The following LARGE1 variants were observed in gnomAD, a reference collection of about 807,000 sequenced individuals.
LARGE1 encodes the protein LARGE xylosyl- and glucuronyltransferase 1, also known as xylosyl- and glucuronyltransferase LARGE1.
LARGE1 carries 43 observed loss-of-function variants against 87.6 expected under a neutral mutation model. That is an observed-to-expected ratio of 0.49 (90% confidence interval 0.38 to 0.63). The LOEUF (loss-of-function observed/expected upper bound fraction) is 0.63, where lower values mean the gene tolerates loss of function less well. Ranked by LOEUF, LARGE1 falls within the 30% of genes least tolerant of loss-of-function variation. The pLI is 0.00. For synonymous variants in LARGE1, 434 were observed against 394.6 expected, an observed-to-expected ratio of 1.10 and a Z score of -1.18; for missense variants, 802 against 1,000.2, an observed-to-expected ratio of 0.80 and a Z score of 2.67.
chr22:33,662,734 CAA>C, intron 2 of LARGE1, among the ~76,000 whole-genome samples: 1 of 145,472 alleles, frequency 6.9e-6, no homozygotes, highest in East Asian at 2.0e-4. Flanking sequence ...TAACCCATTC[CAA>C]AAAAAAAAAT....
chr22:33,421,208 T>TC (rs1569149047), intron 7 of LARGE1, among the ~76,000 whole-genome samples: 66 of 135,960 alleles, frequency 4.9e-4, no homozygotes, highest in Admixed American at 1.7e-3. Flanking sequence ...AAAAATAAAA[T>TC]AAAATCAATC....
chr22:33,453,089 C>T (rs776087885), intron 6 of LARGE1, among the ~76,000 whole-genome samples: 2 of 152,184 alleles, frequency 1.3e-5, no homozygotes, highest in Non-Finnish European at 2.9e-5. Flanking sequence ...TCTCTACAGA[C>T]AGGTTTGTAG....
chr22:33,236,942 C>T (rs755266816), intron 11 of LARGE1, among the ~76,000 whole-genome samples: 2 of 152,210 alleles, frequency 1.3e-5, no homozygotes, highest in Non-Finnish European at 2.9e-5. Flanking sequence ...ACCATTGAAT[C>T]GCTGGCATCT....
chr22:33,732,135 C>A (rs1055759730), intron 2 of LARGE1: 1 of 152,162 alleles, frequency 6.6e-6, no homozygotes, highest in African/African-American at 2.4e-5. Flanking sequence ...TAGTAGGCAC[C>A]ATGTCACCTC....
intron 6 of LARGE1, among the ~76,000 whole-genome samples, chr22:33,561,648 C>A (rs369549828): frequency 1.3e-5 from 2 of 152,148 alleles, no homozygotes; most frequent in African/African-American, 4.8e-5. Flanking sequence ...TAAATATTGA[C>A]CGAATGGGTG....
intron 6 of LARGE1, among the ~76,000 whole-genome samples, chr22:33,464,354 G>GT (rs1333809153): frequency 6.6e-6 from 1 of 151,986 alleles, no homozygotes; most frequent in African/African-American, 2.4e-5. Context: ...CCAAAAACAT[G>GT]TAAGACCGTA....
At chr22:33,302,037 G>A (rs1213554635) in intron 12 of LARGE1, among the ~76,000 whole-genome samples, 1 of 152,222 alleles carries the variant, frequency 6.6e-6, no homozygotes, top group African/African-American at 2.4e-5. Flanking sequence ...GAGTCCCAGA[G>A]GGGTGGAGGG....
the LARGE1 span, among the ~76,000 whole-genome samples, chr22:33,108,324 C>T: frequency 3.9e-5 from 6 of 152,134 alleles, no homozygotes; most frequent in Non-Finnish European, 5.9e-5. Flanking sequence ...CCCATCTCCA[C>T]GAGGGAGACA....
chr22:33,640,280 G>T (rs1240722639), intron 3 of LARGE1, among the ~76,000 whole-genome samples: 1 of 152,236 alleles, frequency 6.6e-6, no homozygotes, highest in Non-Finnish European at 1.5e-5. Flanking sequence ...ACCTTGTGGA[G>T]AGTGTGCTTT....
At chr22:33,515,263 C>G (rs1183243333) in intron 6 of LARGE1, among the ~76,000 whole-genome samples, 1 of 152,198 alleles carries the variant, frequency 6.6e-6, no homozygotes. Context: ...GGTCCCTAGA[C>G]TTTCGCTCCA....
At chr22:33,070,555 A>G in the LARGE1 span, among the ~76,000 whole-genome samples, 1 of 152,148 alleles carries the variant, frequency 6.6e-6, no homozygotes, top group East Asian at 1.9e-4. Flanking sequence ...AATAGCAACA[A>G]ACTGAAAAGC....
intron 7 of LARGE1, among the ~76,000 whole-genome samples, chr22:33,396,133 G>A (rs2065730747): frequency 6.6e-6 from 1 of 152,226 alleles, no homozygotes; most frequent in Non-Finnish European, 1.5e-5. Flanking sequence ...TTGAACCAGT[G>A]AAATCCTATG....
At chr22:33,812,225 A>G (rs959653347) in intron 1 of LARGE1, among the ~76,000 whole-genome samples, 1 of 152,230 alleles carries the variant, frequency 6.6e-6, no homozygotes, top group African/African-American at 2.4e-5. Flanking sequence ...GGGCTGGACC[A>G]TGAAGTTAGG....
chr22:33,212,378 C>G (rs1487036636), intron 11 of LARGE1, among the ~76,000 whole-genome samples: 6 of 152,200 alleles, frequency 3.9e-5, no homozygotes, highest in African/African-American at 1.4e-4. Flanking sequence ...GCCTGGATAA[C>G]AGCATATCAT....
intron 7 of LARGE1, among the ~76,000 whole-genome samples, chr22:33,404,706 A>G (rs2066036478): frequency 6.6e-6 from 1 of 152,228 alleles, no homozygotes; most frequent in Non-Finnish European, 1.5e-5. Flanking sequence ...AGAATGTGCA[A>G]AATTATCCTG....
upstream of LARGE1, chr22:33,920,495 A>AGCCGAG (rs2065915461): frequency 6.9e-6 from 1 of 145,292 alleles, no homozygotes; most frequent in Admixed American, 6.8e-5. Context: ...CGGGCGCCGA[A>AGCCGAG]CGCGGCGGCG....
chr22:33,768,436 T>TCACACACACA lies in LARGE1; in HGVS notation c.-82-6888_-82-6879dup, dbSNP rs71969164. Among the ~76,000 whole-genome samples, 62 of 147,564 alleles carry TCACACACACA rather than the reference T, an allele frequency of 4.2e-4. 1 individual carries two copies. Among genetic ancestry groups the TCACACACACA allele is most frequent in the Middle Eastern group, 3.5e-3 (1 of 288 alleles). ...CCAAGCCACAATCCAACGCGCGCGC[T>TCACACACACA]CACACACACACACACACACACACAC... On this transcript the variant is annotated intron_variant, in intron 1 of 14. Coordinates refer to ENST00000397394, the MANE Select transcript of LARGE1 (RefSeq NM_133642.5).
At chr22:33,852,617 C>T (rs1054700192) in intron 1 of LARGE1, among the ~76,000 whole-genome samples, 2 of 152,038 alleles carry the variant, frequency 1.3e-5, no homozygotes, top group East Asian at 1.9e-4. Context: ...GAGGCCAAGG[C>T]GGGCAGATTG....
chr22:33,589,118 G>A (rs1273643975), intron 5 of LARGE1, among the ~76,000 whole-genome samples: 1 of 152,196 alleles, frequency 6.6e-6, no homozygotes, highest in Non-Finnish European at 1.5e-5. Context: ...GAGTTCAACT[G>A]TAGTAAGTGA....
Sources: allele counts gnomAD v4.1 joint callset (sites outside exome capture counted in the v4.1 genomes callset), GRCh38; gene constraint gnomAD v4.1.1; transcripts MANE v1.5; gene names NCBI Gene and HGNC (gene_info 2026-07-23, HGNC 2026-07-21).